Variants in TMEM106C observed in about 807,000 individuals in gnomAD.
The protein encoded by TMEM106C is endoplasmic reticulum membrane protein overexpressed in cancer.
In TMEM106C, 27 loss-of-function variants were observed where a neutral mutation model predicts 30.8. The observed-to-expected ratio is 0.88, with a 90% CI of 0.65 to 1.21. The LOEUF is 1.21. TMEM106C is among the 50% of genes most tolerant of loss of function. The probability of loss-of-function intolerance (pLI) is 0.00; values close to 1 mark genes in which losing one functional copy is unlikely to be tolerated. For missense variants in TMEM106C, 288 were observed against 307.8 expected, an observed-to-expected ratio of 0.94 and a Z score of 0.48; for synonymous variants, 123 against 118.8, an observed-to-expected ratio of 1.04 and a Z score of -0.23.
intron 5 of TMEM106C, 105 bp downstream of exon 5, chr12:47,966,334 A>G: frequency 3.8e-6 from 5 of 1,321,796 alleles, no homozygotes; most frequent in Non-Finnish European, 5.2e-6. Flanking sequence ...CCTCATTTCT[A>G]CTTGTAGGAA....
intron 7 of TMEM106C, among the ~76,000 whole-genome samples, chr12:47,967,676 A>C (rs1742753787): frequency 6.6e-6 from 1 of 152,190 alleles, no homozygotes; most frequent in Non-Finnish European, 1.5e-5. Context: ...TTTGCAAGTG[A>C]CAAGACTCTG....
intron 5 of TMEM106C, chr12:47,966,481 A>C: frequency 1.4e-6 from 1 of 697,072 alleles, no homozygotes; most frequent in Non-Finnish European, 2.4e-6. Flanking sequence ...CAGCAGTGTT[A>C]CAGCCTGAGG....
chr12:47,968,553 C>G lies in TMEM106C; in HGVS notation c.*324C>G, dbSNP rs1050716785. 4 of 378,840 alleles carry G rather than the reference C, an allele frequency of 1.1e-5. No homozygotes were observed. The highest frequency in any genetic ancestry group is 2.1e-5 in the African/African-American group (1 of 47,552). 23.5% of individuals were successfully genotyped at this position (378,840 alleles called of 1,614,324 possible). A position where few individuals can be genotyped will look rare whatever the true frequency, so the allele number is the denominator to read the frequency against. On this transcript the variant is annotated 3_prime_UTR_variant, in exon 8 of 8. Transcript: ENST00000429772. ...AAATCATAACGTGGTTCTAGGTTAT[C>G]AAACCATGGAGTGATGTGGAGCTAG...
intron 1 of TMEM106C, chr12:47,963,952 C>A: frequency 2.1e-6 from 1 of 486,046 alleles, no homozygotes; most frequent in South Asian, 2.1e-5. Flanking sequence ...AGTCCCAGGG[C>A]GGTGAGGATC....
chr12:47,968,091 C>G, intron 7 of TMEM106C, 42 bp from the exon 8 acceptor site: 1 of 1,539,746 alleles, frequency 6.5e-7, no homozygotes, highest in Non-Finnish European at 9.0e-7. Flanking sequence ...CTTATTTCAT[C>G]CCCCAAACAT....
chr12:47,965,632 C>T, intron 3 of TMEM106C: 1 of 726,266 alleles, frequency 1.4e-6, no homozygotes, highest in Non-Finnish European at 2.3e-6. Flanking sequence ...CTCCTTTCTT[C>T]AGCTTTTCTT....
chr12:47,966,895 T>G, intron 6 of TMEM106C, 163 bp downstream of exon 6: 1 of 696,472 alleles, frequency 1.4e-6, no homozygotes, highest in Non-Finnish European at 2.5e-6. Flanking sequence ...GTATTATTAT[T>G]ATGTGTGTAT....
chr12:47,965,946 G>A lies in TMEM106C; in HGVS notation c.360G>A (p.Val120=). Residue 120 remains valine, a synonymous_variant, in exon 4 of 8, where the codon GTG becomes GTA. Transcript: ENST00000429772. ...SVLVDDDGIK[V]VKVTFNKQDS... Reference sequence around the variant, plus strand: ...TTGTGGATGATGACGGCATCAAAGTGGTGAAAGTCACATTTAATAAGCAAG... The same window carrying A: ...TTGTGGATGATGACGGCATCAAAGTAGTGAAAGTCACATTTAATAAGCAAG... 6.2e-7 allele frequency: 1 copy of A among 1,614,184 alleles called. No individual in the cohort carries two copies. The highest frequency in any genetic ancestry group is 8.5e-7 in the Non-Finnish European group (1 of 1,180,036).
At chr12:47,966,608 T>G in intron 5 of TMEM106C, 75 bp from the exon 6 acceptor site, 1 of 1,514,820 alleles carries the variant, frequency 6.6e-7, no homozygotes, top group Non-Finnish European at 9.2e-7. Context: ...CCCAAGGTCT[T>G]TGGATTGCTA....
At chr12:47,964,163 G>T (rs931486162) in intron 1 of TMEM106C, 46 bp from the exon 2 acceptor site, 19 of 1,501,762 alleles carry the variant, frequency 1.3e-5, no homozygotes, top group Non-Finnish European at 1.6e-5. Context: ...GATTTCTGTC[G>T]TGATTCACTG....
rs1236973746 is a variant in TMEM106C, at chr12:47,965,927, A to G, written c.341A>G (p.Asp114Gly). The change falls in exon 4 of 8, where the codon GAT becomes GGT. Residue 114 changes from aspartate to glycine, a missense_variant. Coordinates refer to ENST00000429772, the MANE Select transcript of TMEM106C (RefSeq NM_001143842.2). ...CTGTTTCCGCATTCAGTCCTTGTGG[A>G]TGATGACGGCATCAAAGTGGTGAAA... ...FFLFPHSVLVDDDGIKVVKVT... is the reference protein window; with the variant it reads ...FFLFPHSVLVGDDGIKVVKVT... 6.2e-7 allele frequency: 1 copy of G among 1,614,078 alleles called. No individual in the cohort carries two copies. The highest frequency in any genetic ancestry group is 8.5e-7 in the Non-Finnish European group (1 of 1,180,046).
intron 7 of TMEM106C, among the ~76,000 whole-genome samples, 165 bp from the exon 8 acceptor site, chr12:47,967,968 G>GA (rs1242788011): frequency 1.3e-5 from 2 of 152,286 alleles, no homozygotes; most frequent in African/African-American, 4.8e-5. Context: ...GTATCTCTGT[G>GA]AAAGTGGAAA....
In TMEM106C at chr12:47,966,160, C is replaced by T. The variant is rs374459233; in HGVS notation, c.483C>T (p.Tyr161=). The change falls in exon 5 of 8, where the codon TAC becomes TAT. Residue 161 remains tyrosine (Y), a synonymous_variant. Transcript: ENST00000429772. ...AVTSLSSQIQ[Y]MNTVVSTYVT... Reference sequence around the variant, plus strand: ...CCAGCCTGTCCAGCCAGATTCAGTACATGAACACAGTGGTCAGTACATATG... The same window carrying T: ...CCAGCCTGTCCAGCCAGATTCAGTATATGAACACAGTGGTCAGTACATATG... The T allele has an allele frequency of 2.5e-6, 4 of 1,614,118 alleles. No individual in the cohort carries two copies. In the African/African-American group the frequency reaches 5.3e-5, roughly 22 times the overall value.
rs144149236 is a variant in TMEM106C at position 47,968,150 on chromosome 12, C to T, written c.674C>T (p.Ser225Leu). 1.8e-5 allele frequency: 29 copies of T among 1,613,380 alleles called. No homozygotes were observed. The highest frequency in any genetic ancestry group is 2.1e-5 in the Non-Finnish European group (25 of 1,179,322). The change falls in exon 8 of 8, where the codon TCA becomes TTA. Residue 225 changes from serine to leucine, a missense_variant. Transcript: ENST00000429772. Reference sequence around the variant, plus strand: ...TTCCCTAGAACTTCAGTGAAGATTTCATACATTGGCCTCATGACCCAGAGC... The same window carrying T: ...TTCCCTAGAACTTCAGTGAAGATTTTATACATTGGCCTCATGACCCAGAGC... Reference protein sequence around the residue: ...VIFMRTSVKISYIGLMTQSSL... With the variant: ...VIFMRTSVKILYIGLMTQSSL...
At chr12:47,967,742 A>G (rs1180786666) in intron 7 of TMEM106C, among the ~76,000 whole-genome samples, 1 of 152,068 alleles carries the variant, frequency 6.6e-6, no homozygotes, top group East Asian at 1.9e-4. Context: ...TGGCACTACG[A>G]ACATTTTGGG....
intron 1 of TMEM106C, 126 bp from the exon 2 acceptor site, chr12:47,964,083 A>C (rs1172271033): frequency 1.4e-6 from 1 of 702,824 alleles, no homozygotes; most frequent in Non-Finnish European, 2.4e-6. Context: ...GAAATCGTAC[A>C]GGTGTTGGGA....
chr12:47,966,813 T>C (rs1938242488), intron 6 of TMEM106C, 81 bp downstream of exon 6: 1 of 1,508,634 alleles, frequency 6.6e-7, no homozygotes, highest in African/African-American at 1.4e-5. Context: ...TGGGGCCTGG[T>C]CCTGCCTTAG....
At chr12:47,967,073 A>G in intron 6 of TMEM106C, 135 bp from the exon 7 acceptor site, 2 of 862,260 alleles carry the variant, frequency 2.3e-6, no homozygotes, top group Non-Finnish European at 3.8e-6. Flanking sequence ...AGGGACTGAG[A>G]GCTGACAAGC....
rs12306869 is a variant in TMEM106C at position 47,968,127 on chromosome 12, C to T, written c.657-6C>T. On this transcript the variant is annotated splice_region_variant and splice_polypyrimidine_tract_variant and intron_variant, in intron 7 of 7. Transcript: ENST00000429772. ...AATTAATTCTTCTTGGTTTTCTTTT[C>T]CCTAGAACTTCAGTGAAGATTTCAT... The T allele has an allele frequency of 6.2e-7, 1 of 1,607,550 alleles. No homozygotes were observed.
Sources: allele counts gnomAD v4.1 joint callset (sites outside exome capture counted in the v4.1 genomes callset), GRCh38; gene constraint gnomAD v4.1.1; transcripts MANE v1.5; gene names NCBI Gene and HGNC (gene_info 2026-07-23, HGNC 2026-07-21).